The following QKI variants were observed in gnomAD, a reference collection of about 807,000 sequenced individuals.
The protein encoded by QKI is QKI, KH domain containing RNA binding, also known as KH domain-containing RNA-binding protein QKI.
QKI carries 10 observed loss-of-function variants against 39.0 expected under a neutral mutation model. The ratio of observed to expected loss-of-function variants is 0.26; its 90% CI spans 0.16 to 0.43. The LOEUF (loss-of-function observed/expected upper bound fraction) is 0.43, where lower values mean the gene tolerates loss of function less well. Ranked by LOEUF, QKI falls within the 20% of genes least tolerant of loss-of-function variation. The probability of loss-of-function intolerance (pLI) is 1.00; values close to 1 mark genes in which losing one functional copy is unlikely to be tolerated. For synonymous variants in QKI, 204 were observed against 155.4 expected, an observed-to-expected ratio of 1.31 and a Z score of -2.33; for missense variants, 218 against 428.0, an observed-to-expected ratio of 0.51 and a Z score of 4.33.
rs1408648794 is a variant in QKI at position 163,573,156 on chromosome 6, T to G, written c.*2446T>G. On this transcript the variant is annotated 3_prime_UTR_variant, in exon 8 of 8. Coordinates refer to ENST00000361752, the MANE Select transcript of QKI (RefSeq NM_006775.3). ...TAGGGAATGTTGGCTCTGAACAAAC[T>G]TTTGAAAACTTGGTTGACAAAATTT... 1.3e-5 allele frequency: 2 copies of G among 152,172 alleles called. No individual in the cohort carries two copies. The highest frequency in any genetic ancestry group is 3.9e-4 in the East Asian group (2 of 5,190). The allele number at this position is 152,172 out of a possible 1,614,324, so 9.4% of individuals were successfully genotyped here.
intron 2 of QKI, among the ~76,000 whole-genome samples, chr6:163,478,137 ATTTTT>A (rs1008612225): frequency 6.6e-6 from 1 of 151,988 alleles, no homozygotes; most frequent in African/African-American, 2.4e-5. Context: ...GTAATTTTTT[ATTTTT>A]TTATTGTACA....
intron 7 of QKI, chr6:163,569,340 T>G (rs2128252460): frequency 8.6e-7 from 1 of 1,161,872 alleles, no homozygotes. Flanking sequence ...TTGGATCATT[T>G]AAACTGAACA....
At chr6:163,460,895 T>A (rs1791303284) in intron 2 of QKI, among the ~76,000 whole-genome samples, 2 of 111,494 alleles carry the variant, frequency 1.8e-5, no homozygotes, top group African/African-American at 6.8e-5. Flanking sequence ...AAAATAATAA[T>A]GCTTTAAAAT....
chr6:163,570,886 C>A lies in QKI; in HGVS notation c.*176C>A. 6 of 806,828 alleles carry A rather than the reference C, an allele frequency of 7.4e-6. No individual in the cohort carries two copies. The highest frequency in any genetic ancestry group is 9.2e-6 in the Non-Finnish European group (5 of 542,532). 50.0% of individuals were successfully genotyped at this position (806,828 alleles called of 1,614,324 possible). On this transcript the variant is annotated 3_prime_UTR_variant, in exon 8 of 8. Transcript: ENST00000361752. Reference sequence around the variant, plus strand: ...AAAAGACAAAGAAATTGTTGTCCTCCAACTCAGCTTTTTTTTTTTTTTTTT... The same window carrying A: ...AAAAGACAAAGAAATTGTTGTCCTCAAACTCAGCTTTTTTTTTTTTTTTTT...
chr6:163,528,034 A>C (rs1026700061), intron 3 of QKI, among the ~76,000 whole-genome samples: 5 of 152,166 alleles, frequency 3.3e-5, no homozygotes, highest in South Asian at 4.1e-4. Flanking sequence ...TAGGTGCAAG[A>C]GATCTGTTAT....
At chr6:163,458,510 A>C (rs899192799) in intron 2 of QKI, among the ~76,000 whole-genome samples, 1 of 152,208 alleles carries the variant, frequency 6.6e-6, no homozygotes. Context: ...TCTTTCAAAT[A>C]TTGTTAAACT....
At chr6:163,441,428 A>G (rs564185442) in intron 1 of QKI, among the ~76,000 whole-genome samples, 7 of 152,354 alleles carry the variant, frequency 4.6e-5, no homozygotes, top group Admixed American at 3.9e-4. Context: ...TTTTGTGCTA[A>G]TAGTCCTAAT....
intron 1 of QKI, among the ~76,000 whole-genome samples, chr6:163,442,571 A>G (rs894592734): frequency 5.3e-5 from 8 of 152,328 alleles, no homozygotes; most frequent in Non-Finnish European, 1.2e-4. Context: ...TAGAGCTGTA[A>G]TGTTAGGGCT....
At chr6:163,456,589 AG>A (rs1790934363) in intron 2 of QKI, among the ~76,000 whole-genome samples, 1 of 152,238 alleles carries the variant, frequency 6.6e-6, no homozygotes, top group Admixed American at 6.5e-5. Flanking sequence ...TTGAATTAAT[AG>A]GAAAAAGCTT....
chr6:163,494,638 T>G (rs1204438642), intron 3 of QKI, among the ~76,000 whole-genome samples: 2 of 149,548 alleles, frequency 1.3e-5, no homozygotes, highest in Non-Finnish European at 3.0e-5. Context: ...GTCTGCTTAG[T>G]GTCACGTTTT....
chr6:163,515,615 G>A (rs942582538), intron 3 of QKI, among the ~76,000 whole-genome samples: 5 of 152,126 alleles, frequency 3.3e-5, no homozygotes, highest in Non-Finnish European at 2.9e-5. Flanking sequence ...CAAAAGAACA[G>A]TTTGAAATTA....
At position 163,556,560 on chromosome 6, in the gene QKI, T is replaced by C. The variant is rs182350634; in HGVS notation, c.547-5422T>C. 5.3e-3 allele frequency among the ~76,000 whole-genome samples: 794 copies of C among 149,908 alleles called. 4 individuals are homozygous for C. Among genetic ancestry groups the C allele is most frequent in the Middle Eastern group, 0.01 (3 of 286 alleles). On this transcript the variant is annotated intron_variant, in intron 4 of 7. Coordinates refer to ENST00000361752, the MANE Select transcript of QKI (RefSeq NM_006775.3). ...CAGAAAAGGCATAGTTGATGACATA[T>C]CTATATCTTAATATGCATAAATTAA...
At chr6:163,557,959 G>A (rs1002634333) in intron 4 of QKI, among the ~76,000 whole-genome samples, 6 of 152,102 alleles carry the variant, frequency 3.9e-5, no homozygotes, top group African/African-American at 1.2e-4. Flanking sequence ...ATGAGATTGC[G>A]GATAATCACT....
At chr6:163,418,046 A>G (rs546743573) in intron 1 of QKI, among the ~76,000 whole-genome samples, 2 of 149,088 alleles carry the variant, frequency 1.3e-5, no homozygotes, top group South Asian at 4.2e-4. Context: ...GTGGTTTGTC[A>G]TTGTCCAAAA....
intron 3 of QKI, among the ~76,000 whole-genome samples, chr6:163,526,034 A>T (rs1366908593): frequency 6.6e-6 from 1 of 152,234 alleles, no homozygotes; most frequent in Non-Finnish European, 1.5e-5. Context: ...AGGAGCACTT[A>T]TTAGAAAGTC....
intron 1 of QKI, among the ~76,000 whole-genome samples, chr6:163,448,938 A>G (rs1379785720): frequency 6.6e-6 from 1 of 152,100 alleles, no homozygotes; most frequent in Admixed American, 6.6e-5. Flanking sequence ...TACAGAAGAG[A>G]TTGTTGTTAA....
chr6:163,420,154 CTT>C (rs35131240), intron 1 of QKI, among the ~76,000 whole-genome samples: 11 of 60,834 alleles, frequency 1.8e-4, no homozygotes, highest in African/African-American at 3.9e-4. Context: ...CTTTTCTTTT[CTT>C]TTTTTTTTTT....
At chr6:163,486,107 G>C (rs933154393) in intron 3 of QKI, among the ~76,000 whole-genome samples, 1 of 152,150 alleles carries the variant, frequency 6.6e-6, no homozygotes, top group African/African-American at 2.4e-5. Flanking sequence ...CAGACCATGG[G>C]ACAACCTTGG....
In QKI at chr6:163,576,698, C is replaced by T. The variant is rs1019409783; in HGVS notation, c.*5988C>T. 6.6e-6 allele frequency: 1 copy of T among 152,084 alleles called. No homozygotes were observed. The highest frequency in any genetic ancestry group is 1.5e-5 in the Non-Finnish European group (1 of 68,022). 9.4% of individuals were successfully genotyped at this position (152,084 alleles called of 1,614,324 possible). A position where few individuals can be genotyped will look rare whatever the true frequency, so the allele number is the denominator to read the frequency against. On this transcript the variant is annotated 3_prime_UTR_variant, in exon 8 of 8. Transcript: ENST00000361752. Reference sequence around the variant, plus strand: ...AGTGCATGTGCTTCATCCTCTCAAGCCAACTGCAGCTGGAAAGTGCTGCTT... The same window carrying T: ...AGTGCATGTGCTTCATCCTCTCAAGTCAACTGCAGCTGGAAAGTGCTGCTT...
Sources: allele counts gnomAD v4.1 joint callset (sites outside exome capture counted in the v4.1 genomes callset), GRCh38; gene constraint gnomAD v4.1.1; transcripts MANE v1.5; gene names NCBI Gene and HGNC (gene_info 2026-07-23, HGNC 2026-07-21).